ARPC4: variants seen among roughly 807,000 people sequenced by gnomAD.
ARPC4 encodes the protein actin-related protein 2/3 complex subunit 4.
A neutral mutation model predicts 22.8 loss-of-function variants in ARPC4; 3 were observed. That is an observed-to-expected ratio of 0.13 (90% CI 0.06 to 0.34). The LOEUF (loss-of-function observed/expected upper bound fraction) is 0.34, where lower values mean the gene tolerates loss of function less well. Among genes scored for constraint, ARPC4 ranks in the 10% least tolerant of loss-of-function variants. The pLI, the probability that ARPC4 is intolerant of heterozygous loss-of-function variation, is 1.00. For missense variants in ARPC4, 98 were observed against 211.0 expected, an observed-to-expected ratio of 0.46 and a Z score of 3.32; for synonymous variants, 80 against 72.5, an observed-to-expected ratio of 1.10 and a Z score of -0.52.
chr3:9,802,142 G>A (rs1274297876), intron 4 of ARPC4, among the ~76,000 whole-genome samples: 1 of 146,684 alleles, frequency 6.8e-6, no homozygotes, highest in Non-Finnish European at 1.5e-5. Context: ...AGGAGGCTGA[G>A]GCAGAGAACT....
At chr3:9,801,782 G>A (rs1304752655) in intron 4 of ARPC4, 26 bp downstream of exon 4, 4 of 1,574,360 alleles carry the variant, frequency 2.5e-6, no homozygotes, top group Non-Finnish European at 3.5e-6. Context: ...CCATGAGTTT[G>A]CGATACCCAG....
At chr3:9,793,343 AC>A (rs1313842912) in intron 1 of ARPC4, among the ~76,000 whole-genome samples, 1 of 152,206 alleles carries the variant, frequency 6.6e-6, no homozygotes, top group Non-Finnish European at 1.5e-5. Context: ...TTGTGGCTTC[AC>A]GGTCAGCCTT....
intron 1 of ARPC4, among the ~76,000 whole-genome samples, chr3:9,794,183 C>T (rs1333954137): frequency 6.6e-6 from 1 of 152,124 alleles, no homozygotes; most frequent in South Asian, 2.1e-4. Flanking sequence ...AGCCAGTCAC[C>T]CTTTTTAGGT....
At chr3:9,796,121 C>T (rs1258482412) in intron 1 of ARPC4, among the ~76,000 whole-genome samples, 1 of 152,008 alleles carries the variant, frequency 6.6e-6, no homozygotes, top group Non-Finnish European at 1.5e-5. Flanking sequence ...AGGCCAGGCA[C>T]GTTGGCTCAC....
upstream of ARPC4, chr3:9,792,982 G>T (rs1434248002): frequency 2.1e-6 from 3 of 1,440,720 alleles, no homozygotes; most frequent in African/African-American, 2.9e-5. Context: ...GTTCGTAAGG[G>T]CTCTCTACCC....
chr3:9,802,834 T>C (rs1483449073), intron 4 of ARPC4, among the ~76,000 whole-genome samples: 20 of 151,384 alleles, frequency 1.3e-4, no homozygotes, highest in Admixed American at 1.2e-3. Flanking sequence ...TGTGCTACCA[T>C]GCCCAGCTAA....
At chr3:9,792,754 A>C (rs1224974464), upstream of ARPC4, 1 of 1,243,402 alleles carries the variant, frequency 8.0e-7, no homozygotes, top group Non-Finnish European at 1.0e-6. Context: ...GAAGAAACGA[A>C]GGGCTCGTCC....
intron 4 of ARPC4, chr3:9,803,558 A>C: frequency 1.7e-6 from 1 of 573,264 alleles, no homozygotes. Flanking sequence ...CAAGACTTCA[A>C]GTTCCTTGAC....
intron 1 of ARPC4, among the ~76,000 whole-genome samples, chr3:9,795,267 C>T (rs950482209): frequency 2.0e-4 from 30 of 152,158 alleles, no homozygotes; most frequent in African/African-American, 5.1e-4. Context: ...CCCAAAGTGC[C>T]GGGATTACAG....
chr3:9,802,487 T>G (rs1003475776), intron 4 of ARPC4, among the ~76,000 whole-genome samples: 2 of 150,578 alleles, frequency 1.3e-5, no homozygotes, highest in African/African-American at 4.9e-5. Context: ...GCCATTCTCC[T>G]GCCTCAGCCT....
Position 9,793,135 on chromosome 3 carries a change from C to G in ARPC4, c.3+11C>G, listed in dbSNP as rs368101730. ...CCAGCGCCCGCGATGGTGAGAGAGC[C>G]GGGCCCCCGGCCAGGGACCCCCGGC... On this transcript the variant is annotated intron_variant, in intron 1 of 5. Transcript: ENST00000397261. The G allele has an allele frequency of 5.2e-6, 8 of 1,541,974 alleles. No homozygotes were observed. The South Asian group carries it at 6.0e-5, about 12-fold the overall frequency.
chr3:9,797,230 G>A (rs1170471300), intron 1 of ARPC4, among the ~76,000 whole-genome samples: 2 of 152,086 alleles, frequency 1.3e-5, no homozygotes, highest in African/African-American at 2.4e-5. Context: ...GCATTCACTG[G>A]TGTGTCTCTA....
intron 5 of ARPC4, among the ~76,000 whole-genome samples, 179 bp from the exon 6 acceptor site, chr3:9,806,031 A>G (rs528186942): frequency 3.5e-4 from 54 of 152,332 alleles, no homozygotes; most frequent in African/African-American, 1.3e-3. Flanking sequence ...GCCGGTGCCC[A>G]TAGGTCACTT....
At position 9,806,193 on chromosome 3, in the gene ARPC4, C is replaced by T; in HGVS notation, c.502-17C>T. 1 of 1,613,782 alleles carries T rather than the reference C, an allele frequency of 6.2e-7. No individual in the cohort carries two copies. The highest frequency in any genetic ancestry group is 8.5e-7 in the Non-Finnish European group (1 of 1,179,676). ...CAATAATAACCACCATGCACTGCCT[C>T]TTGGTTCTCTTGACAGTTTTAAACC... On this transcript the variant is annotated splice_polypyrimidine_tract_variant and intron_variant, in intron 5 of 5. Coordinates refer to ENST00000397261, the MANE Select transcript of ARPC4 (RefSeq NM_005718.5).
chr3:9,803,734 C>A, intron 4 of ARPC4, 109 bp from the exon 5 acceptor site: 3 of 1,216,382 alleles, frequency 2.5e-6, no homozygotes, highest in South Asian at 1.3e-5. Context: ...AAGATCACAG[C>A]CAGTGGGAAG....
chr3:9,805,855 C>T (rs1381360256), intron 5 of ARPC4, among the ~76,000 whole-genome samples: 1 of 152,232 alleles, frequency 6.6e-6, no homozygotes, highest in Non-Finnish European at 1.5e-5. Context: ...CTCTGAGTCC[C>T]CAGGCCCCTT....
intron 1 of ARPC4, among the ~76,000 whole-genome samples, chr3:9,797,166 G>T (rs928099349): frequency 6.6e-6 from 1 of 152,164 alleles, no homozygotes; most frequent in Admixed American, 6.5e-5. Flanking sequence ...AGCTCAGTGC[G>T]TGGCAAACAG....
At chr3:9,796,712 C>T (rs558404571) in intron 1 of ARPC4, among the ~76,000 whole-genome samples, 29 of 152,162 alleles carry the variant, frequency 1.9e-4, no homozygotes, top group Non-Finnish European at 3.2e-4. Flanking sequence ...GAGGCCAAGG[C>T]GGGCAGATTA....
rs577493789 is a variant in ARPC4 at position 9,797,092 on chromosome 3, A to G, written c.4-567A>G. On this transcript the variant is annotated intron_variant, in intron 1 of 5. Transcript: ENST00000397261. Reference sequence around the variant, plus strand: ...TTTATATCATAGTTATTTTCTGTATATTTGCTATCCAGTTGAGCTGTTTGA... The same window carrying G: ...TTTATATCATAGTTATTTTCTGTATGTTTGCTATCCAGTTGAGCTGTTTGA... Among the ~76,000 whole-genome samples the G allele has an allele frequency of 5.3e-5, 8 of 152,004 alleles. 1 individual carries two copies. Among genetic ancestry groups the G allele is most frequent in the African/African-American group, 1.9e-4 (8 of 41,452 alleles).
Sources: allele counts gnomAD v4.1 joint callset (sites outside exome capture counted in the v4.1 genomes callset), GRCh38; gene constraint gnomAD v4.1.1; transcripts MANE v1.5; gene names NCBI Gene and HGNC (gene_info 2026-07-23, HGNC 2026-07-21).